Variants in SLC10A6 observed in about 807,000 individuals in gnomAD.
SLC10A6 encodes the protein solute carrier family 10 member 6, also known as sodium-dependent organic anion transporter.
In SLC10A6, 27 loss-of-function variants were observed where a neutral mutation model predicts 30.0. The observed-to-expected ratio is 0.90, with a 90% confidence interval of 0.66 to 1.24. The LOEUF (loss-of-function observed/expected upper bound fraction) is 1.24. Among genes scored for constraint, SLC10A6 ranks in the 50% most tolerant of loss-of-function variants. The probability of loss-of-function intolerance (pLI) is 0.00; values close to 1 mark genes in which losing one functional copy is unlikely to be tolerated. For missense variants in SLC10A6, 439 were observed against 457.0 expected, an observed-to-expected ratio of 0.96 and a Z score of 0.36; for synonymous variants, 166 against 173.8, an observed-to-expected ratio of 0.95 and a Z score of 0.36.
At chr4:86,841,378 C>T (rs572411118) in intron 1 of SLC10A6, among the ~76,000 whole-genome samples, 1 of 152,216 alleles carries the variant, frequency 6.6e-6, no homozygotes, top group Non-Finnish European at 1.5e-5. Context: ...TGGAAAAGCA[C>T]ACAGTGAATG....
At chr4:86,834,923 T>C (rs1746155015) in intron 1 of SLC10A6, among the ~76,000 whole-genome samples, 1 of 152,076 alleles carries the variant, frequency 6.6e-6, no homozygotes, top group South Asian at 2.1e-4. Flanking sequence ...CCCAGACTTT[T>C]AAACAACCAG....
chr4:86,844,755 A>G (rs1220935998), intron 1 of SLC10A6, among the ~76,000 whole-genome samples: 1 of 152,210 alleles, frequency 6.6e-6, no homozygotes, highest in African/African-American at 2.4e-5. Flanking sequence ...TGCGTAATTT[A>G]TAAAGGAAAG....
chr4:86,828,909 A>G (rs894606555), intron 3 of SLC10A6, among the ~76,000 whole-genome samples: 5 of 152,196 alleles, frequency 3.3e-5, no homozygotes, highest in Non-Finnish European at 7.3e-5. Flanking sequence ...TGTTCATATC[A>G]TGTAGACAGT....
intron 1 of SLC10A6, among the ~76,000 whole-genome samples, chr4:86,844,748 G>A (rs1332718051): frequency 3.3e-5 from 5 of 152,158 alleles, no homozygotes; most frequent in East Asian, 1.9e-4. Flanking sequence ...CCAAGCCTGC[G>A]TAATTTATAA....
chr4:86,833,517 A>T, intron 1 of SLC10A6, 93 bp from the exon 2 acceptor site: 1 of 890,090 alleles, frequency 1.1e-6, no homozygotes, highest in South Asian at 1.5e-5. Flanking sequence ...ACAATTTCCT[A>T]GAGATTACAT....
At chr4:86,823,999 G>T in intron 5 of SLC10A6, 97 bp from the exon 6 acceptor site, 1 of 1,100,230 alleles carries the variant, frequency 9.1e-7, no homozygotes, top group Non-Finnish European at 1.3e-6. Context: ...GTTTGTTTCA[G>T]TGGCATCATG....
chr4:86,847,679 A>G (rs1005549522), intron 1 of SLC10A6, among the ~76,000 whole-genome samples: 16 of 152,198 alleles, frequency 1.1e-4, no homozygotes, highest in African/African-American at 3.9e-4. Flanking sequence ...TACGCTAAAC[A>G]TTCAGCACAA....
intron 3 of SLC10A6, among the ~76,000 whole-genome samples, chr4:86,830,937 A>T (rs993774840): frequency 2.0e-5 from 3 of 152,148 alleles, no homozygotes; most frequent in Non-Finnish European, 4.4e-5. Context: ...GGAGACTCAC[A>T]CCATTGTTAA....
At position 86,845,364 on chromosome 4, in the gene SLC10A6, C is replaced by T. The variant is rs193192377; in HGVS notation, c.377+3375G>A. ...CCCATTTTGACTAAAAACCATTGTT[C>T]TTAAGGGGACTAGTGGAATAAAAGA... On this transcript the variant is annotated intron_variant, in intron 1 of 5. Coordinates refer to ENST00000273905, the MANE Select transcript of SLC10A6 (RefSeq NM_197965.3). 1.8e-4 allele frequency among the ~76,000 whole-genome samples: 27 copies of T among 152,256 alleles called. No homozygotes were observed. The East Asian group carries it at 4.6e-3, about 26-fold the overall frequency.
At chr4:86,837,285 A>AAG (rs1173471408) in intron 1 of SLC10A6, among the ~76,000 whole-genome samples, 2,274 of 72,782 alleles carry the variant, frequency 0.031, 133 homozygotes, top group South Asian at 0.046. Context: ...GAAAGAAAGA[A>AAG]AAAGAAAGGA....
chr4:86,845,001 G>A (rs1560462470), intron 1 of SLC10A6, among the ~76,000 whole-genome samples: 1 of 152,112 alleles, frequency 6.6e-6, no homozygotes, highest in Non-Finnish European at 1.5e-5. Flanking sequence ...GGGGATTCCA[G>A]GCCCCTCCCT....
chr4:86,837,294 G>GAGAAAAAGA (rs1746212688), intron 1 of SLC10A6, among the ~76,000 whole-genome samples: 10 of 68,774 alleles, frequency 1.5e-4, no homozygotes, highest in African/African-American at 6.3e-4. Context: ...AAAAAGAAAG[G>GAGAAAAAGA]AAGGAAGGAA....
chr4:86,842,607 G>A (rs1254807143), intron 1 of SLC10A6, among the ~76,000 whole-genome samples: 1 of 151,646 alleles, frequency 6.6e-6, no homozygotes, highest in Non-Finnish European at 1.5e-5. Flanking sequence ...TGAGGTGAGA[G>A]GATCACTTGA....
chr4:86,830,469 G>A (rs575892355), intron 3 of SLC10A6, among the ~76,000 whole-genome samples: 49 of 152,284 alleles, frequency 3.2e-4, no homozygotes, highest in African/African-American at 1.2e-3. Flanking sequence ...AGCTAAAAAA[G>A]GAGAGTGAAA....
At position 86,831,776 on chromosome 4, in the gene SLC10A6, C is replaced by A; in HGVS notation, c.585+16G>T. On this transcript the variant is annotated intron_variant, in intron 3 of 5. Coordinates refer to ENST00000273905, the MANE Select transcript of SLC10A6 (RefSeq NM_197965.3). ...GAGTCTGAGGACGTGCCAACAGTGG[C>A]CATGAAGTCACTCACCTTGAGAATG... The A allele has an allele frequency of 6.2e-7, 1 of 1,605,734 alleles. No homozygotes were observed. The highest frequency in any genetic ancestry group is 2.2e-5 in the East Asian group (1 of 44,474).
intron 1 of SLC10A6, among the ~76,000 whole-genome samples, chr4:86,835,765 G>T (rs369449485): frequency 6.6e-6 from 1 of 151,042 alleles, no homozygotes; most frequent in African/African-American, 2.4e-5. Context: ...GAGAGAGAAA[G>T]AAAAGAAAAG....
At chr4:86,842,874 C>CTTTCTTTCTTTCTTTCTTTCTTTCTTTT (rs1560461934) in intron 1 of SLC10A6, among the ~76,000 whole-genome samples, 4 of 42,792 alleles carry the variant, frequency 9.3e-5, no homozygotes, top group East Asian at 3.5e-4. Context: ...TTCTTTCTTT[C>CTTTCTTTCTTTCTTTCTTTCTTTCTTTT]TTTTTTTTTT....
In SLC10A6 at chr4:86,846,274, T is replaced by C. The variant is rs1429494205; in HGVS notation, c.377+2465A>G. ...AAGCTTCTAAAAATCTAATATTTAGTTTTTGCTTGTTTTTTTAGTTTTGTT... is the reference window on the plus strand; with the variant it reads ...AAGCTTCTAAAAATCTAATATTTAGCTTTTGCTTGTTTTTTTAGTTTTGTT... On this transcript the variant is annotated intron_variant, in intron 1 of 5. Transcript: ENST00000273905. Among the ~76,000 whole-genome samples, 3 of 152,314 alleles carry C rather than the reference T, an allele frequency of 2.0e-5. No individual in the cohort carries two copies. The East Asian group carries it at 5.8e-4, about 29-fold the overall frequency.
chr4:86,839,492 A>T (rs1746254835), intron 1 of SLC10A6, among the ~76,000 whole-genome samples: 1 of 152,070 alleles, frequency 6.6e-6, no homozygotes, highest in Non-Finnish European at 1.5e-5. Flanking sequence ...CTTACTCTGC[A>T]ACTTGTTTGC....
Sources: allele counts gnomAD v4.1 joint callset (sites outside exome capture counted in the v4.1 genomes callset), GRCh38; gene constraint gnomAD v4.1.1; transcripts MANE v1.5; gene names NCBI Gene and HGNC (gene_info 2026-07-23, HGNC 2026-07-21).